Variants in NELL2 observed in about 807,000 individuals in gnomAD.
The protein encoded by NELL2 is neural EGFL like 2.
A neutral mutation model predicts 109.6 loss-of-function variants in NELL2; 41 were observed. That is an observed-to-expected ratio of 0.37 (90% CI 0.29 to 0.49). NELL2 has a LOEUF of 0.49. Among genes scored for constraint, NELL2 ranks in the 20% least tolerant of loss-of-function variants. The probability of loss-of-function intolerance (pLI) is 0.98; values close to 1 mark genes in which losing one functional copy is unlikely to be tolerated. For missense variants in NELL2, 900 were observed against 1,008.3 expected (o/e 0.89, Z 1.45); for synonymous variants, 355 against 344.7 (o/e 1.03, Z -0.33).
At chr12:44,877,377 C>A (rs1057481494), upstream of NELL2, among the ~76,000 whole-genome samples, 2 of 152,048 alleles carry the variant, frequency 1.3e-5, no homozygotes, top group Non-Finnish European at 2.9e-5. Flanking sequence ...TGAACATAGC[C>A]CTAAAATTTT....
chr12:44,647,629 C>T (rs547910591), intron 13 of NELL2, among the ~76,000 whole-genome samples: 1 of 152,104 alleles, frequency 6.6e-6, no homozygotes, highest in African/African-American at 2.4e-5. Flanking sequence ...ACTTGAGTTT[C>T]GATCCACTGG....
chr12:44,543,160 C>T (rs1350926023), intron 15 of NELL2, among the ~76,000 whole-genome samples: 1 of 152,186 alleles, frequency 6.6e-6, no homozygotes, highest in Non-Finnish European at 1.5e-5. Flanking sequence ...ATCATTTCCA[C>T]TTGGATACAA....
intron 3 of NELL2, among the ~76,000 whole-genome samples, chr12:44,815,066 G>C (rs906667645): frequency 2.0e-5 from 3 of 152,182 alleles, no homozygotes; most frequent in Non-Finnish European, 4.4e-5. Context: ...CAGATAGTAA[G>C]TGGTGGACCT....
upstream of NELL2, chr12:44,880,836 CTTGTTGTTGTTG>C (rs35774965): frequency 9.3e-5 from 14 of 150,766 alleles, no homozygotes; most frequent in South Asian, 2.1e-4. Context: ...TTGTTTTGTT[CTTGTTGTTGTTG>C]TTGTTGTTGT....
intron 15 of NELL2, among the ~76,000 whole-genome samples, chr12:44,569,325 A>G (rs1249972426): frequency 6.6e-6 from 1 of 152,112 alleles, no homozygotes; most frequent in African/African-American, 2.4e-5. Context: ...ACTATTGTAA[A>G]TAGTGCTGCG....
At chr12:44,594,076 G>C (rs370190618) in intron 15 of NELL2, among the ~76,000 whole-genome samples, 69 of 152,012 alleles carry the variant, frequency 4.5e-4, no homozygotes, top group East Asian at 4.3e-3. Flanking sequence ...TATGTGGCGG[G>C]GGGGAGTCGA....
At chr12:44,575,360 A>G (rs1944035980) in intron 15 of NELL2, among the ~76,000 whole-genome samples, 1 of 152,262 alleles carries the variant, frequency 6.6e-6, no homozygotes, top group Non-Finnish European at 1.5e-5. Flanking sequence ...GTGCAGGCAG[A>G]TATTTCTACA....
At chr12:44,697,395 G>A (rs1020018625) in intron 12 of NELL2, among the ~76,000 whole-genome samples, 10 of 152,152 alleles carry the variant, frequency 6.6e-5, no homozygotes, top group African/African-American at 1.4e-4. Context: ...ATACGCCAAT[G>A]AGTCTACCAT....
At chr12:44,908,451 T>A (rs1359704338) in intron 1 of NELL2, among the ~76,000 whole-genome samples, 1 of 152,012 alleles carries the variant, frequency 6.6e-6, no homozygotes. Context: ...GAAGGATTCA[T>A]GGAATTGAGA....
chr12:44,562,000 C>T (rs1454046620), intron 15 of NELL2, among the ~76,000 whole-genome samples: 1 of 152,032 alleles, frequency 6.6e-6, no homozygotes, highest in Non-Finnish European at 1.5e-5. Flanking sequence ...GAACAGAGGC[C>T]TCAGAAATAA....
Position 44,764,462 on chromosome 12 carries a change from A to C in NELL2, c.994+10285T>G, listed in dbSNP as rs1253436207. The stretch of plus-strand genomic sequence containing the variant: ...CCTCTTCTCTTACTAATCATAGAGA[A>C]ATAACTATTATAAAATCATATTTCC... On this transcript the variant is annotated intron_variant, in intron 9 of 19. Coordinates refer to ENST00000429094, the MANE Select transcript of NELL2 (RefSeq NM_001145108.2). Among the ~76,000 whole-genome samples the C allele has an allele frequency of 2.6e-5, 4 of 152,206 alleles. No homozygotes were observed. The East Asian group carries it at 7.7e-4, about 29-fold the overall frequency.
At chr12:44,812,659 G>A (rs117837184) in intron 3 of NELL2, among the ~76,000 whole-genome samples, 1,763 of 152,200 alleles carry the variant, frequency 0.012, 16 homozygotes, top group Non-Finnish European at 0.02. Flanking sequence ...AAGAAAGATA[G>A]CTTCAGCAAG....
chr12:44,515,706 C>T (rs902998189), intron 19 of NELL2, among the ~76,000 whole-genome samples: 4 of 151,856 alleles, frequency 2.6e-5, no homozygotes, highest in Non-Finnish European at 5.9e-5. Context: ...ACTATCAAAA[C>T]TCATTATAAA....
At chr12:44,687,989 C>A (rs930801884) in intron 12 of NELL2, among the ~76,000 whole-genome samples, 1 of 152,116 alleles carries the variant, frequency 6.6e-6, no homozygotes, top group Non-Finnish European at 1.5e-5. Context: ...TAATTCTAAG[C>A]AATTTCTCTC....
rs542187357 is a variant in NELL2, at chr12:44,658,844, T to G, written c.1444+6640A>C. 1.2e-4 allele frequency among the ~76,000 whole-genome samples: 14 copies of G among 118,194 alleles called. No homozygotes were observed. The East Asian group carries it at 3.1e-3, about 26-fold the overall frequency. The allele number at this position is 118,194 out of a possible 152,430, so 77.5% of individuals were successfully genotyped here. ...GTGAGCCAAGATCGCACCACTGCAC[T>G]CCAGCCTGGGCGACAGAGCAAGACT... On this transcript the variant is annotated intron_variant, in intron 13 of 19. Coordinates refer to ENST00000429094, the MANE Select transcript of NELL2 (RefSeq NM_001145108.2).
chr12:44,838,746 A>G (rs565718212), intron 2 of NELL2, among the ~76,000 whole-genome samples: 24 of 150,382 alleles, frequency 1.6e-4, no homozygotes, highest in Non-Finnish European at 3.0e-4. Context: ...AGACATGTCT[A>G]CAGCTCTTCT....
rs1404570114 is a variant in NELL2, at chr12:44,816,107, C to T, written c.214G>A (p.Ala72Thr). Residue 72 changes from alanine (A) to threonine (T), a missense_variant, in exon 3 of 20, where the codon GCT becomes ACT. Physicochemically the swap from Ala to Thr is moderately conservative, Grantham distance 58 (BLOSUM62 0). This residue lies in a region of NELL2 where 200 missense variants were observed against 191.8 expected (regional missense o/e 1.04). Transcript: ENST00000429094. ...DTPRSIKAST[A>T]TAEQFFQKLR... The stretch of plus-strand genomic sequence containing the variant: ...TTCTGAAAAAACTGTTCAGCTGTAG[C>T]AGTGGATGCTTTTATGCTTCTGGGA... The T allele has an allele frequency of 6.2e-7, 1 of 1,611,830 alleles. No individual in the cohort carries two copies. The highest frequency in any genetic ancestry group is 8.5e-7 in the Non-Finnish European group (1 of 1,179,360).
At chr12:44,547,595 T>C (rs1232463004) in intron 15 of NELL2, among the ~76,000 whole-genome samples, 1 of 152,240 alleles carries the variant, frequency 6.6e-6, no homozygotes, top group African/African-American at 2.4e-5. Flanking sequence ...TATGCATTGC[T>C]TTTTTAATTT....
chr12:44,523,268 T>C, intron 17 of NELL2, 23 bp downstream of exon 17: 1 of 1,612,952 alleles, frequency 6.2e-7, no homozygotes, highest in South Asian at 1.1e-5. Flanking sequence ...TAAAATTAAT[T>C]AAAGTTTTTC....
Sources: gnomAD v4.1 joint callset for allele counts (sites outside exome capture counted in the v4.1 genomes callset) on GRCh38, gnomAD v4.1.1 for gene constraint, gnomAD v4.1.1 regional missense constraint, MANE v1.5 for transcripts, NCBI Gene and HGNC (gene_info 2026-07-23, HGNC 2026-07-21) for gene names.